ALG6: variants seen among roughly 807,000 people sequenced by gnomAD.
The protein encoded by ALG6 is dolichyl pyrophosphate Man9GlcNAc2 alpha-1,3-glucosyltransferase.
Under a neutral mutation model 66.6 loss-of-function variants are expected in ALG6, and 46 were observed. The observed-to-expected ratio is 0.69, with a 90% CI of 0.55 to 0.88. The LOEUF (loss-of-function observed/expected upper bound fraction) is 0.88, where lower values mean the gene tolerates loss of function less well. Among genes scored for constraint, ALG6 ranks in the 40% least tolerant of loss-of-function variants. ALG6 has a pLI of 0.00. For synonymous variants in ALG6, 185 were observed against 203.7 expected, an observed-to-expected ratio of 0.91 and a Z score of 0.78; for missense variants, 505 against 586.8, an observed-to-expected ratio of 0.86 and a Z score of 1.44.
Position 63,407,207 on chromosome 1 carries a change from A to G in ALG6, c.494+81A>G, listed in dbSNP as rs1644493511. 5.1e-6 allele frequency: 5 copies of G among 978,078 alleles called. No individual in the cohort carries two copies. In the South Asian group the frequency reaches 6.4e-5, roughly 13 times the overall value. The allele number at this position is 978,078 out of a possible 1,614,324, so 60.6% of individuals were successfully genotyped here. On this transcript the variant is annotated intron_variant, in intron 7 of 14. Coordinates refer to ENST00000263440, the MANE Select transcript of ALG6 (RefSeq NM_013339.4). ...AATGTGTACATTGCTGTCATCTAGT[A>G]ATGTCTTATTTGATAGAGTGCTTGC...
chr1:63,402,615 C>T (rs1644470594), intron 4 of ALG6, among the ~76,000 whole-genome samples: 1 of 150,856 alleles, frequency 6.6e-6, no homozygotes, highest in Admixed American at 6.6e-5. Flanking sequence ...TACAGGTGCC[C>T]GCCACCATGC....
At chr1:63,380,515 G>A (rs1648268426) in intron 2 of ALG6, among the ~76,000 whole-genome samples, 1 of 152,110 alleles carries the variant, frequency 6.6e-6, no homozygotes, top group Admixed American at 6.5e-5. Flanking sequence ...CTAATTCATG[G>A]TGATTATTTA....
rs1557587391 is a variant in ALG6, at chr1:63,400,239, ATATACG to A, written c.168-2010_168-2005del. Among the ~76,000 whole-genome samples the A allele has an allele frequency of 5.2e-3, 102 of 19,450 alleles. 24 individuals carry two copies. Among genetic ancestry groups the A allele is most frequent in the African/African-American group, 0.039 (99 of 2,560 alleles). 12.8% of individuals were successfully genotyped at this position (19,450 alleles called of 152,430 possible). The stretch of plus-strand genomic sequence containing the variant: ...TATATATACGTATATATATATATAT[ATATACG>A]TATATATATGTATATATATATACGT... On this transcript the variant is annotated intron_variant, in intron 3 of 14. Coordinates refer to ENST00000263440, the MANE Select transcript of ALG6 (RefSeq NM_013339.4).
intron 1 of ALG6, among the ~76,000 whole-genome samples, chr1:63,368,003 C>A (rs1208454308): frequency 2.0e-5 from 3 of 152,140 alleles, no homozygotes; most frequent in African/African-American, 7.2e-5. Flanking sequence ...CCCATATACA[C>A]GCCCGGGATA....
intron 12 of ALG6, 119 bp downstream of exon 12, chr1:63,419,559 A>G: frequency 1.3e-6 from 1 of 752,622 alleles, no homozygotes; most frequent in South Asian, 2.4e-5. Flanking sequence ...TTTGCATAAA[A>G]TGATTTCATA....
intron 11 of ALG6, 146 bp from the exon 12 acceptor site, chr1:63,419,224 T>C: frequency 3.0e-6 from 2 of 672,614 alleles, no homozygotes; most frequent in Non-Finnish European, 5.2e-6. Context: ...ATATGCATAC[T>C]AGTGTTGTTT....
chr1:63,412,266 G>T (rs1219230142), intron 9 of ALG6, among the ~76,000 whole-genome samples: 2 of 152,088 alleles, frequency 1.3e-5, no homozygotes, highest in Non-Finnish European at 2.9e-5. Context: ...GCTATTCGCA[G>T]GGGTAATCAT....
At chr1:63,400,351 ATATATATATGTATATATATG>A (rs769369198) in intron 3 of ALG6, among the ~76,000 whole-genome samples, 1 of 117,280 alleles carries the variant, frequency 8.5e-6, no homozygotes, top group African/African-American at 3.8e-5. Flanking sequence ...ATATATATGT[ATATATATATGTATATATATG>A]TATATATATA....
At chr1:63,407,668 T>A (rs1349161770) in intron 7 of ALG6, among the ~76,000 whole-genome samples, 1 of 152,070 alleles carries the variant, frequency 6.6e-6, no homozygotes, top group Non-Finnish European at 1.5e-5. Context: ...TGTATATATC[T>A]ATCTAATTTG....
At chr1:63,399,114 A>T (rs916887277) in intron 3 of ALG6, among the ~76,000 whole-genome samples, 11 of 152,082 alleles carry the variant, frequency 7.2e-5, no homozygotes, top group African/African-American at 2.4e-4. Flanking sequence ...GTTTCCTTGC[A>T]TCTGCAAGAG....
At chr1:63,375,199 T>TA (rs36063786) in intron 2 of ALG6, among the ~76,000 whole-genome samples, 6 of 149,820 alleles carry the variant, frequency 4.0e-5, no homozygotes, top group East Asian at 2.0e-4. Flanking sequence ...GAGACTCCAT[T>TA]AAAAAAAAAA....
intron 12 of ALG6, among the ~76,000 whole-genome samples, chr1:63,422,290 TTTATATA>T (rs1644586250): frequency 1.6e-4 from 14 of 84,926 alleles, no homozygotes; most frequent in Non-Finnish European, 2.1e-4. Context: ...AATATATATA[TTTATATA>T]GATATAAATA....
Position 63,425,524 on chromosome 1 carries a change from G to T in ALG6, c.1059-3209G>T, listed in dbSNP as rs115499632. On this transcript the variant is annotated intron_variant, in intron 12 of 14. Transcript: ENST00000263440. ...CATTAGCCAAGAGTGGGTTGAAGCTGTTGGAAGTAGGAGGGAGAAGTGTGA... is the reference window on the plus strand; with the variant it reads ...CATTAGCCAAGAGTGGGTTGAAGCTTTTGGAAGTAGGAGGGAGAAGTGTGA... Among the ~76,000 whole-genome samples, 680 of 152,346 alleles carry T rather than the reference G, an allele frequency of 4.5e-3. 6 individuals are homozygous for T. The highest frequency in any genetic ancestry group is 0.015 in the African/African-American group (626 of 41,584).
At chr1:63,394,065 T>G (rs556252584) in intron 2 of ALG6, among the ~76,000 whole-genome samples, 1 of 152,368 alleles carries the variant, frequency 6.6e-6, no homozygotes, top group East Asian at 1.9e-4. Context: ...TCTTAGAGAT[T>G]ATAGCGTTTA....
rs751004049 is a variant in ALG6 at position 63,396,586 on chromosome 1, G to A, written c.156G>A (p.Pro52=). The change falls in exon 3 of 15, where the codon CCG becomes CCA. Residue 52 remains proline, a synonymous_variant. Transcript: ENST00000263440. ...RHWQEITFNL[P]VKQWYFNSSD... Reference sequence around the variant, plus strand: ...GGCAAGAAATAACTTTTAATTTACCGGTCAAACAATGGTATGATAATTTTA... The same window carrying A: ...GGCAAGAAATAACTTTTAATTTACCAGTCAAACAATGGTATGATAATTTTA... The A allele has an allele frequency of 3.3e-5, 54 of 1,612,674 alleles. No homozygotes were observed. Among genetic ancestry groups the A allele is most frequent in the South Asian group, 8.8e-5 (8 of 91,030 alleles).
intron 2 of ALG6, among the ~76,000 whole-genome samples, chr1:63,393,791 C>A (rs531328846): frequency 3.3e-5 from 5 of 152,294 alleles, no homozygotes; most frequent in African/African-American, 1.2e-4. Flanking sequence ...CAGGGACTCA[C>A]AAACTCAAGT....
chr1:63,432,435 A>G (rs1466051672), intron 14 of ALG6, among the ~76,000 whole-genome samples: 1 of 152,202 alleles, frequency 6.6e-6, no homozygotes, highest in Admixed American at 6.5e-5. Flanking sequence ...TATATTCATA[A>G]GAGACACTAA....
chr1:63,371,066 C>A lies in ALG6; in HGVS notation c.82+7C>A. On this transcript the variant is annotated splice_region_variant and intron_variant, in intron 2 of 14. Transcript: ENST00000263440. ...TCTCTTAATTCTTATTCAGGTAATA[C>A]ATTTTTACTGGTTAAAAAAAAAACG... The A allele has an allele frequency of 1.3e-6, 2 of 1,573,232 alleles. No individual in the cohort carries two copies. The highest frequency in any genetic ancestry group is 1.7e-6 in the Non-Finnish European group (2 of 1,143,636).
At position 63,415,895 on chromosome 1, in the gene ALG6, C is replaced by T. The variant is rs1311428677; in HGVS notation, c.925C>T (p.Leu309=). ...TAGCTTTTGTTCTACGTTTTTGAGC[C>T]TGCTTCCTGCATGCATAAAATTAAT... The part of the protein sequence containing the change: ...IMSFCSTFLS[L]LPACIKLILQ... The change falls in exon 11 of 15, where the codon CTG becomes TTG. Residue 309 remains leucine, a synonymous_variant. Coordinates refer to ENST00000263440, the MANE Select transcript of ALG6 (RefSeq NM_013339.4). 3 of 1,611,032 alleles carry T rather than the reference C, an allele frequency of 1.9e-6. No homozygotes were observed. Among genetic ancestry groups the T allele is most frequent in the Admixed American group, 3.3e-5 (2 of 59,946 alleles).
Sources: allele counts gnomAD v4.1 joint callset (sites outside exome capture counted in the v4.1 genomes callset), GRCh38; gene constraint gnomAD v4.1.1; transcripts MANE v1.5; gene names NCBI Gene and HGNC (gene_info 2026-07-23, HGNC 2026-07-21).